Variants in TTC29 observed in about 807,000 individuals in gnomAD.
TTC29 encodes the protein tetratricopeptide repeat domain 29, also known as tetratricopeptide repeat protein 29.
TTC29 carries 49 observed loss-of-function variants against 58.1 expected under a neutral mutation model. The observed-to-expected ratio is 0.84, with a 90% confidence interval of 0.67 to 1.07. The LOEUF is 1.07. Among genes scored for constraint, TTC29 ranks in the 50% least tolerant of loss-of-function variants. The pLI, the probability that TTC29 is intolerant of heterozygous loss-of-function variation, is 0.00. For synonymous variants in TTC29, 209 were observed against 196.8 expected (o/e 1.06, Z -0.52); for missense variants, 582 against 555.6 (o/e 1.05, Z -0.48).
intron 6 of TTC29, among the ~76,000 whole-genome samples, chr4:146,877,652 T>C (rs927229207): frequency 2.0e-5 from 3 of 151,848 alleles, no homozygotes; most frequent in African/African-American, 7.3e-5. Context: ...ACTGTAGCCC[T>C]GGAAAGATGT....
chr4:146,944,804 C>T (rs1736767561), intron 2 of TTC29, among the ~76,000 whole-genome samples: 2 of 125,682 alleles, frequency 1.6e-5, no homozygotes, highest in Admixed American at 8.5e-5. Flanking sequence ...ACTAATTATG[C>T]TCCCTAAGTA....
intron 8 of TTC29, among the ~76,000 whole-genome samples, chr4:146,848,010 T>A (rs181789178): frequency 1.3e-5 from 2 of 152,264 alleles, no homozygotes; most frequent in East Asian, 3.9e-4. Context: ...GCATTTTTTT[T>A]AAAAGTCCAC....
chr4:146,784,680 G>A (rs947054747), intron 11 of TTC29, among the ~76,000 whole-genome samples: 1 of 152,136 alleles, frequency 6.6e-6, no homozygotes, highest in Non-Finnish European at 1.5e-5. Flanking sequence ...CTCAATCTTG[G>A]ACTTGCCAGC....
intron 8 of TTC29, among the ~76,000 whole-genome samples, chr4:146,856,434 A>T (rs1729860428): frequency 6.6e-6 from 1 of 152,160 alleles, no homozygotes; most frequent in Non-Finnish European, 1.5e-5. Flanking sequence ...ATTTGTATTT[A>T]TATTAATTTA....
At chr4:146,761,288 T>C (rs1320019431) in intron 11 of TTC29, among the ~76,000 whole-genome samples, 1 of 151,986 alleles carries the variant, frequency 6.6e-6, no homozygotes, top group African/African-American at 2.4e-5. Flanking sequence ...TAATCTTAGG[T>C]GATAGGCAGC....
intron 6 of TTC29, among the ~76,000 whole-genome samples, chr4:146,883,730 G>C (rs1731790876): frequency 6.6e-6 from 1 of 152,002 alleles, no homozygotes; most frequent in South Asian, 2.1e-4. Flanking sequence ...AGAAAAACCT[G>C]CTGCAGAGCA....
At chr4:146,852,056 C>T (rs1400592453) in intron 8 of TTC29, among the ~76,000 whole-genome samples, 1 of 152,196 alleles carries the variant, frequency 6.6e-6, no homozygotes, top group Non-Finnish European at 1.5e-5. Flanking sequence ...CTGCCTCAGC[C>T]AACCGAGTAG....
chr4:146,893,110 G>A (rs1422964620), intron 6 of TTC29, among the ~76,000 whole-genome samples: 2 of 152,160 alleles, frequency 1.3e-5, no homozygotes, highest in Non-Finnish European at 2.9e-5. Context: ...ACTGCCCCAG[G>A]TAATTTATAG....
At chr4:146,903,772 T>C in intron 5 of TTC29, 43 bp from the exon 6 acceptor site, 1 of 1,410,948 alleles carries the variant, frequency 7.1e-7, no homozygotes, top group Non-Finnish European at 9.5e-7. Flanking sequence ...TAGAAAGATG[T>C]CTCATGGCAC....
rs150537065 is a variant in TTC29, at chr4:146,889,607, T to C, written c.586+13937A>G. Among the ~76,000 whole-genome samples, 15 of 152,284 alleles carry C rather than the reference T, an allele frequency of 9.9e-5. No individual in the cohort carries two copies. In the East Asian group the frequency reaches 1.5e-3, roughly 16 times the overall value. ...TAAAATACCACACTAAAAACTGATATGTCCTTTGCATTTCTTTTAGTTATT... is the reference window on the plus strand; with the variant it reads ...TAAAATACCACACTAAAAACTGATACGTCCTTTGCATTTCTTTTAGTTATT... On this transcript the variant is annotated intron_variant, in intron 6 of 12. Coordinates refer to ENST00000325106, the MANE Select transcript of TTC29 (RefSeq NM_031956.4).
chr4:146,794,679 A>T (rs186542836), intron 11 of TTC29, among the ~76,000 whole-genome samples: 5 of 152,250 alleles, frequency 3.3e-5, no homozygotes, highest in Admixed American at 3.3e-4. Context: ...TTAGGAGCTT[A>T]CTATCTCATA....
chr4:146,808,631 T>A (rs896275874), intron 10 of TTC29, among the ~76,000 whole-genome samples: 15 of 152,180 alleles, frequency 9.9e-5, no homozygotes, highest in Non-Finnish European at 1.3e-4. Context: ...GAACTCCCAT[T>A]CACAATTGCT....
intron 6 of TTC29, among the ~76,000 whole-genome samples, chr4:146,878,995 G>T (rs369424973): frequency 7.2e-5 from 11 of 152,218 alleles, no homozygotes; most frequent in African/African-American, 2.6e-4. Flanking sequence ...CACAGATGAG[G>T]TCAGTGGGGT....
intron 6 of TTC29, 90 bp from the exon 7 acceptor site, chr4:146,875,018 G>T: frequency 1.1e-6 from 1 of 917,870 alleles, no homozygotes; most frequent in Non-Finnish European, 1.7e-6. Flanking sequence ...ATTATTCAAT[G>T]GAGAAACACC....
At chr4:146,845,377 G>C (rs1358502039) in intron 8 of TTC29, among the ~76,000 whole-genome samples, 1 of 152,112 alleles carries the variant, frequency 6.6e-6, no homozygotes, top group Non-Finnish European at 1.5e-5. Context: ...TGTCAGAAAA[G>C]ATATGAGAGA....
At chr4:146,895,092 T>C (rs1313166694) in intron 6 of TTC29, among the ~76,000 whole-genome samples, 2 of 152,202 alleles carry the variant, frequency 1.3e-5, no homozygotes, top group Non-Finnish European at 2.9e-5. Flanking sequence ...TTCCTGTTCC[T>C]GCATTAGTAT....
intron 4 of TTC29, among the ~76,000 whole-genome samples, chr4:146,933,044 C>T (rs541908254): frequency 1.5e-4 from 21 of 144,536 alleles, no homozygotes; most frequent in Admixed American, 9.9e-4. Context: ...GGTGACAGAC[C>T]GAGACTCCGT....
intron 11 of TTC29, among the ~76,000 whole-genome samples, chr4:146,717,231 A>C (rs1743000995): frequency 6.6e-6 from 1 of 152,174 alleles, no homozygotes; most frequent in Non-Finnish European, 1.5e-5. Context: ...GATTGAGAAC[A>C]TATTTTGTAA....
At chr4:146,921,149 A>G (rs989177448) in intron 4 of TTC29, among the ~76,000 whole-genome samples, 1 of 151,500 alleles carries the variant, frequency 6.6e-6, no homozygotes, top group African/African-American at 2.4e-5. Context: ...GAGTTTTCAC[A>G]GACTATATGT....
Sources: gnomAD v4.1 joint callset for allele counts (sites outside exome capture counted in the v4.1 genomes callset) on GRCh38, gnomAD v4.1.1 for gene constraint, MANE v1.5 for transcripts, NCBI Gene and HGNC (gene_info 2026-07-23, HGNC 2026-07-21) for gene names.